Variants in CALCRL observed in about 807,000 individuals in gnomAD.
CALCRL encodes the protein calcitonin gene-related peptide type 1 receptor.
CALCRL carries 27 observed loss-of-function variants against 60.4 expected under a neutral mutation model. The ratio of observed to expected loss-of-function variants is 0.45; its 90% CI spans 0.33 to 0.62. The LOEUF (loss-of-function observed/expected upper bound fraction) is 0.62. Among genes scored for constraint, CALCRL ranks in the 20% least tolerant of loss-of-function variants. The pLI, the probability that CALCRL is intolerant of heterozygous loss-of-function variation, is 0.03. For synonymous variants in CALCRL, 190 were observed against 182.6 expected, an observed-to-expected ratio of 1.04 and a Z score of -0.33; for missense variants, 424 against 540.7, an observed-to-expected ratio of 0.78 and a Z score of 2.14.
chr2:187,371,161 G>A (rs868619714), intron 8 of CALCRL, among the ~76,000 whole-genome samples: 6 of 151,842 alleles, frequency 4.0e-5, no homozygotes, highest in Admixed American at 2.0e-4. Flanking sequence ...GGAGAATGTT[G>A]TGAACCTGGG....
At chr2:187,361,330 T>C (rs886858159) in intron 9 of CALCRL, among the ~76,000 whole-genome samples, 1 of 151,862 alleles carries the variant, frequency 6.6e-6, no homozygotes, top group Non-Finnish European at 1.5e-5. Context: ...TTTCCTGAGG[T>C]CTCCATTTTT....
intron 1 of CALCRL, among the ~76,000 whole-genome samples, chr2:187,412,099 T>C (rs1689392922): frequency 6.6e-6 from 1 of 151,068 alleles, no homozygotes; most frequent in Admixed American, 6.6e-5. Flanking sequence ...GGGACAGTAA[T>C]GGCACAGGTT....
At chr2:187,433,867 T>C (rs1179563047) in intron 1 of CALCRL, among the ~76,000 whole-genome samples, 2 of 152,012 alleles carry the variant, frequency 1.3e-5, no homozygotes, top group African/African-American at 4.8e-5. Context: ...AATTAAAAAA[T>C]GAGGAATTAT....
In CALCRL at chr2:187,360,764, A is replaced by T; in HGVS notation, c.628-13T>A. On this transcript the variant is annotated splice_polypyrimidine_tract_variant and intron_variant, in intron 9 of 14. Coordinates refer to ENST00000392370, the MANE Select transcript of CALCRL (RefSeq NM_005795.6). The stretch of plus-strand genomic sequence containing the variant: ...CTTTGCAACTAACCTGTGAGGAAAA[A>T]AAAAACCCCAATATTTACTTGTTTA... The T allele has an allele frequency of 6.3e-7, 1 of 1,586,376 alleles. No homozygotes were observed.
intron 12 of CALCRL, among the ~76,000 whole-genome samples, chr2:187,357,833 AG>A (rs67604055): frequency 0.87 from 130,458 of 150,034 alleles, 56,938 homozygotes; most frequent in African/African-American, 0.91. Context: ...AGAAAAAAAA[AG>A]ACCCAAATGA....
intron 1 of CALCRL, among the ~76,000 whole-genome samples, chr2:187,389,211 T>TA (rs1421762190): frequency 1.3e-5 from 2 of 151,982 alleles, no homozygotes; most frequent in Non-Finnish European, 2.9e-5. Flanking sequence ...TAACTGGTGT[T>TA]ACAGGCGCCC....
chr2:187,434,054 T>C (rs1409637153), intron 1 of CALCRL, among the ~76,000 whole-genome samples: 1 of 152,076 alleles, frequency 6.6e-6, no homozygotes, highest in African/African-American at 2.4e-5. Flanking sequence ...GAATTATTCA[T>C]TTTCTTCCTC....
chr2:187,380,939 G>C (rs974480019), intron 5 of CALCRL, 152 bp from the exon 6 acceptor site: 12 of 412,910 alleles, frequency 2.9e-5, no homozygotes, highest in Non-Finnish European at 4.8e-5. Flanking sequence ...AAATTATTTG[G>C]CTTCCCACCA....
intron 1 of CALCRL, among the ~76,000 whole-genome samples, chr2:187,431,984 A>G (rs1439789540): frequency 6.6e-6 from 1 of 152,108 alleles, no homozygotes; most frequent in East Asian, 1.9e-4. Context: ...TCATTTTTAG[A>G]AGAAAGGATG....
chr2:187,354,254 G>A (rs1201622900), intron 12 of CALCRL, among the ~76,000 whole-genome samples: 2 of 151,920 alleles, frequency 1.3e-5, no homozygotes, highest in Admixed American at 6.6e-5. Context: ...ACAGTACCAC[G>A]CTTGGGTCAT....
rs1216031526 is a variant in CALCRL, at chr2:187,346,397, A to C, written c.1173T>G (p.Val391=). The part of the protein sequence containing the change: ...STIFCFFNGE[V]QAILRRNWNQ... ...TCCAGTTTCTTCTCAGAATTGCTTG[A>C]ACCTATCAATCAAAAGGAAAACAGA... Residue 391 remains valine (V), a splice_region_variant and synonymous_variant, in exon 15 of 15, where the codon GTT becomes GTG. Coordinates refer to ENST00000392370, the MANE Select transcript of CALCRL (RefSeq NM_005795.6). 2.5e-6 allele frequency: 4 copies of C among 1,605,292 alleles called. No homozygotes were observed. The highest frequency in any genetic ancestry group is 3.4e-6 in the Non-Finnish European group (4 of 1,174,314).
At chr2:187,392,675 A>G (rs1414396256) in intron 1 of CALCRL, among the ~76,000 whole-genome samples, 1 of 152,114 alleles carries the variant, frequency 6.6e-6, no homozygotes, top group Non-Finnish European at 1.5e-5. Context: ...TTGCAAGTTA[A>G]TATCTTTACT....
intron 7 of CALCRL, 44 bp from the exon 8 acceptor site, chr2:187,379,075 A>G (rs45573237): frequency 0.015 from 14,711 of 953,370 alleles, 144 homozygotes; most frequent in Non-Finnish European, 0.018. Context: ...TATCAATACT[A>G]TAAGTATCTG....
At chr2:187,349,810 T>C (rs1686446818) in intron 14 of CALCRL, among the ~76,000 whole-genome samples, 1 of 151,708 alleles carries the variant, frequency 6.6e-6, no homozygotes, top group Non-Finnish European at 1.5e-5. Context: ...CTGGGCACTC[T>C]TTCTAAATAA....
intron 8 of CALCRL, among the ~76,000 whole-genome samples, chr2:187,374,278 G>GT (rs1687651317): frequency 6.6e-6 from 1 of 152,114 alleles, no homozygotes; most frequent in Non-Finnish European, 1.5e-5. Flanking sequence ...GGTTTCTCAT[G>GT]TTTTACCTAA....
At chr2:187,433,095 T>C (rs561214922) in intron 1 of CALCRL, among the ~76,000 whole-genome samples, 137 of 152,242 alleles carry the variant, frequency 9.0e-4, no homozygotes, top group African/African-American at 2.9e-3. Context: ...ATTTAGAATC[T>C]GGATTTCTAA....
At chr2:187,422,235 A>C (rs2105875151) in intron 1 of CALCRL, among the ~76,000 whole-genome samples, 1 of 152,340 alleles carries the variant, frequency 6.6e-6, no homozygotes, top group Non-Finnish European at 1.5e-5. Flanking sequence ...CAGATTAAAA[A>C]ATCAATGAGT....
intron 1 of CALCRL, among the ~76,000 whole-genome samples, chr2:187,394,602 A>G (rs1225785612): frequency 2.0e-5 from 3 of 152,002 alleles, no homozygotes; most frequent in Admixed American, 1.3e-4. Flanking sequence ...CTGCAAGACA[A>G]TCCCATTAGC....
At chr2:187,366,620 A>G (rs757688007) in intron 8 of CALCRL, among the ~76,000 whole-genome samples, 1 of 152,108 alleles carries the variant, frequency 6.6e-6, no homozygotes, top group African/African-American at 2.4e-5. Flanking sequence ...CATAATAAAT[A>G]CATTTATATT....
Sources: gnomAD v4.1 joint callset for allele counts (sites outside exome capture counted in the v4.1 genomes callset) on GRCh38, gnomAD v4.1.1 for gene constraint, MANE v1.5 for transcripts, NCBI Gene and HGNC (gene_info 2026-07-23, HGNC 2026-07-21) for gene names.